Variants in MRPL3 observed in about 807,000 individuals in gnomAD.
MRPL3 encodes mitochondrial ribosomal protein L3.
A neutral mutation model predicts 44.3 loss-of-function variants in MRPL3; 43 were observed. The ratio of observed to expected loss-of-function variants is 0.97; its 90% CI spans 0.76 to 1.25. The LOEUF is 1.25. Ranked by LOEUF, MRPL3 falls within the 50% of genes most tolerant of loss-of-function variation. The pLI, the probability that MRPL3 is intolerant of heterozygous loss-of-function variation, is 0.00. For synonymous variants in MRPL3, 171 were observed against 152.3 expected (o/e 1.12, Z -0.91); for missense variants, 406 against 427.6 (o/e 0.95, Z 0.45).
intron 6 of MRPL3, among the ~76,000 whole-genome samples, chr3:131,476,086 A>G (rs1398560430): frequency 6.6e-6 from 1 of 152,206 alleles, no homozygotes; most frequent in Non-Finnish European, 1.5e-5. Context: ...ACTACAGAAG[A>G]TAACTTAGCT....
intron 9 of MRPL3, among the ~76,000 whole-genome samples, chr3:131,465,520 G>C (rs1028952599): frequency 6.6e-6 from 1 of 152,164 alleles, no homozygotes; most frequent in Non-Finnish European, 1.5e-5. Context: ...GTAAGGTTCA[G>C]CTAGAAAACC....
intron 6 of MRPL3, among the ~76,000 whole-genome samples, chr3:131,483,444 A>T (rs1047802325): frequency 6.6e-6 from 1 of 152,182 alleles, no homozygotes; most frequent in Non-Finnish European, 1.5e-5. Context: ...ATCTAAATAA[A>T]ATTTGTCTTC....
intron 6 of MRPL3, among the ~76,000 whole-genome samples, chr3:131,485,724 T>G (rs114340975): frequency 0.011 from 1,604 of 152,252 alleles, 26 homozygotes; most frequent in African/African-American, 0.035. Context: ...TATCCCACAT[T>G]TCATTTCTAA....
chr3:131,495,276 A>G (rs912786320), intron 4 of MRPL3, among the ~76,000 whole-genome samples: 5 of 152,116 alleles, frequency 3.3e-5, no homozygotes, highest in Admixed American at 3.3e-4. Flanking sequence ...GGATACTTTT[A>G]GTTTCAAAAA....
In MRPL3 at chr3:131,462,482, T is replaced by C. The variant is rs942181256; in HGVS notation, c.*241A>G. Reference sequence around the variant, plus strand: ...ATCGAGTCCACAAATTAAGAATATTTTGCTAATATGCCCAACACCAATTTC... The same window carrying C: ...ATCGAGTCCACAAATTAAGAATATTCTGCTAATATGCCCAACACCAATTTC... On this transcript the variant is annotated 3_prime_UTR_variant, in exon 10 of 10. Transcript: ENST00000264995. 1 of 337,368 alleles carries C rather than the reference T, an allele frequency of 3.0e-6. No homozygotes were observed. The highest frequency in any genetic ancestry group is 2.1e-5 in the African/African-American group (1 of 47,296). The allele number at this position is 337,368 out of a possible 1,614,324, so 20.9% of individuals were successfully genotyped here. A position where few individuals can be genotyped will look rare whatever the true frequency, so the allele number is the denominator to read the frequency against.
chr3:131,501,517 T>C lies in MRPL3; in HGVS notation c.277+14A>G, dbSNP rs763878546. The C allele has an allele frequency of 1.1e-5, 18 of 1,603,292 alleles. No homozygotes were observed. The highest frequency in any genetic ancestry group is 1.4e-5 in the Non-Finnish European group (17 of 1,173,524). ...AATTAGGAAATGAGAGCTCATCAAA[T>C]ACAAAATAATCACCTGGTTCCCAAG... On this transcript the variant is annotated intron_variant, in intron 2 of 9. Coordinates refer to ENST00000264995, the MANE Select transcript of MRPL3 (RefSeq NM_007208.4).
At chr3:131,462,918 T>A in intron 9 of MRPL3, 43 bp from the exon 10 acceptor site, 4 of 1,545,030 alleles carry the variant, frequency 2.6e-6, no homozygotes, top group Non-Finnish European at 3.5e-6. Flanking sequence ...TTAAGTTCTT[T>A]AAAGGTAGAC....
At chr3:131,476,587 TTAAAG>T (rs1933857130) in intron 6 of MRPL3, among the ~76,000 whole-genome samples, 1 of 152,164 alleles carries the variant, frequency 6.6e-6, no homozygotes, top group Admixed American at 6.6e-5. Flanking sequence ...AGAGGAAAGC[TTAAAG>T]TGGAAAGAAC....
rs112653330 is a variant in MRPL3, at chr3:131,487,574, T to C, written c.629+106A>G. The C allele has an allele frequency of 4.5e-4, 400 of 880,358 alleles. 2 individuals carry two copies. The African/African-American group carries it at 6.0e-3, about 13-fold the overall frequency. 54.5% of individuals were successfully genotyped at this position (880,358 alleles called of 1,614,324 possible). A position where few individuals can be genotyped will look rare whatever the true frequency, so the allele number is the denominator to read the frequency against. ...ATTTGAATTCAGAATGAGAAATATA[T>C]TTATCCTTTATTCACTGACTTGAAA... On this transcript the variant is annotated intron_variant, in intron 6 of 9. Transcript: ENST00000264995.
At chr3:131,488,886 T>C (rs1934187193) in intron 5 of MRPL3, 1 of 152,108 alleles carries the variant, frequency 6.6e-6, no homozygotes. Context: ...TAAATGTATA[T>C]AATTTTGATT....
chr3:131,483,261 G>A (rs1000527319), intron 6 of MRPL3, among the ~76,000 whole-genome samples: 1 of 152,026 alleles, frequency 6.6e-6, no homozygotes, highest in African/African-American at 2.4e-5. Context: ...GTAGGGGCAG[G>A]GAGAAAAGAC....
intron 6 of MRPL3, among the ~76,000 whole-genome samples, chr3:131,483,276 T>A (rs138104842): frequency 2.6e-4 from 39 of 152,294 alleles, no homozygotes; most frequent in African/African-American, 8.9e-4. Context: ...AAAGACATCA[T>A]GATACATGCT....
intron 6 of MRPL3, among the ~76,000 whole-genome samples, chr3:131,475,146 T>C (rs1933828358): frequency 6.6e-6 from 1 of 152,168 alleles, no homozygotes; most frequent in Non-Finnish European, 1.5e-5. Flanking sequence ...TACATCAACA[T>C]ATTTTTAACA....
intron 8 of MRPL3, among the ~76,000 whole-genome samples, chr3:131,468,751 A>G (rs1214901768): frequency 2.0e-5 from 3 of 152,076 alleles, no homozygotes; most frequent in African/African-American, 7.2e-5. Flanking sequence ...CACACACACG[A>G]AGAAAATACA....
chr3:131,483,942 T>G (rs1043230616), intron 6 of MRPL3, among the ~76,000 whole-genome samples: 1 of 152,200 alleles, frequency 6.6e-6, no homozygotes, highest in Non-Finnish European at 1.5e-5. Flanking sequence ...CATTACAGCA[T>G]GAGAAAAATT....
At chr3:131,489,544 G>A (rs992813736) in intron 5 of MRPL3, among the ~76,000 whole-genome samples, 8 of 152,050 alleles carry the variant, frequency 5.3e-5, no homozygotes, top group Admixed American at 4.6e-4. Flanking sequence ...GACAGTCCAC[G>A]GATTAGGCAA....
chr3:131,468,187 C>A lies in MRPL3; in HGVS notation c.817-19G>T. ...TCCACACCTAAAGCATGAAATAAAA[C>A]CAAAAATTTTAGGATATACTTGTAT... On this transcript the variant is annotated intron_variant, in intron 8 of 9. Coordinates refer to ENST00000264995, the MANE Select transcript of MRPL3 (RefSeq NM_007208.4). The A allele has an allele frequency of 4.0e-6, 6 of 1,499,316 alleles. No homozygotes were observed. Among genetic ancestry groups the A allele is most frequent in the South Asian group, 1.2e-5 (1 of 80,102 alleles). The allele number at this position is 1,499,316 out of a possible 1,614,324, so 92.9% of individuals were successfully genotyped here.
chr3:131,464,508 A>G (rs1036152693), intron 9 of MRPL3, among the ~76,000 whole-genome samples: 7 of 152,042 alleles, frequency 4.6e-5, no homozygotes, highest in Non-Finnish European at 1.0e-4. Context: ...TCAATTATCT[A>G]CCTCATTCTT....
intron 4 of MRPL3, among the ~76,000 whole-genome samples, chr3:131,497,671 T>A (rs1934399789): frequency 1.3e-5 from 2 of 152,128 alleles, no homozygotes; most frequent in Admixed American, 1.3e-4. Flanking sequence ...TTAAAAAAAA[T>A]CTGATTTGGA....
Sources: gnomAD v4.1 joint callset for allele counts (sites outside exome capture counted in the v4.1 genomes callset) on GRCh38, gnomAD v4.1.1 for gene constraint, MANE v1.5 for transcripts, NCBI Gene and HGNC (gene_info 2026-07-23, HGNC 2026-07-21) for gene names.